Variants in CACNA2D3 observed in about 807,000 individuals in gnomAD.
CACNA2D3 encodes the protein voltage-dependent calcium channel subunit alpha-2/delta-3.
A neutral mutation model predicts 160.6 loss-of-function variants in CACNA2D3; 60 were observed. The observed-to-expected ratio is 0.37, with a 90% CI of 0.30 to 0.46. The LOEUF (loss-of-function observed/expected upper bound fraction) is 0.46, where lower values mean the gene tolerates loss of function less well. CACNA2D3 is among the 20% of genes least tolerant of loss of function. The pLI is 1.00. For synonymous variants in CACNA2D3, 558 were observed against 492.9 expected (o/e 1.13, Z -1.75); for missense variants, 1,205 against 1,365.0 (o/e 0.88, Z 1.85).
At chr3:54,814,631 G>C (rs769346981) in intron 13 of CACNA2D3, among the ~76,000 whole-genome samples, 1 of 152,194 alleles carries the variant, frequency 6.6e-6, no homozygotes, top group Non-Finnish European at 1.5e-5. Flanking sequence ...TAGGAAAGTT[G>C]CTCTTTGTTC....
At chr3:54,861,602 AAGGGTTAG>A (rs2106801168) in intron 17 of CACNA2D3, among the ~76,000 whole-genome samples, 1 of 152,272 alleles carries the variant, frequency 6.6e-6, no homozygotes, top group African/African-American at 2.4e-5. Flanking sequence ...AATGGATTGG[AAGGGTTAG>A]AGTACAGGCA....
chr3:54,721,615 G>C (rs1303505953), intron 11 of CACNA2D3, among the ~76,000 whole-genome samples: 3 of 151,928 alleles, frequency 2.0e-5, no homozygotes, highest in African/African-American at 7.3e-5. Flanking sequence ...ACAAAAATTA[G>C]CCAGGCGTGG....
intron 21 of CACNA2D3, among the ~76,000 whole-genome samples, chr3:54,883,709 C>T (rs1220172346): frequency 1.3e-5 from 2 of 151,710 alleles, no homozygotes; most frequent in Non-Finnish European, 2.9e-5. Context: ...CTGCCATGAG[C>T]ACCCTTCCTG....
intron 4 of CACNA2D3, among the ~76,000 whole-genome samples, chr3:54,402,806 A>G (rs1396565789): frequency 6.6e-6 from 1 of 152,228 alleles, no homozygotes; most frequent in Non-Finnish European, 1.5e-5. Flanking sequence ...ACAACTTTCC[A>G]TCCAACAGCA....
chr3:54,924,822 A>T, intron 27 of CACNA2D3: 1 of 1,614,070 alleles, frequency 6.2e-7, no homozygotes, highest in South Asian at 1.1e-5. Flanking sequence ...AAGGTGGCTT[A>T]TGTTGTTTGA....
chr3:54,239,649 A>G (rs1425739937), intron 2 of CACNA2D3, among the ~76,000 whole-genome samples: 2 of 152,238 alleles, frequency 1.3e-5, no homozygotes. Context: ...ATGGTTCAGA[A>G]TCATCACTTC....
At chr3:54,505,598 C>T (rs951691379) in intron 5 of CACNA2D3, among the ~76,000 whole-genome samples, 1 of 152,094 alleles carries the variant, frequency 6.6e-6, no homozygotes. Context: ...TGAAACTGCC[C>T]CTTTTTGTGC....
At chr3:55,051,708 C>T (rs867639058) in intron 35 of CACNA2D3, among the ~76,000 whole-genome samples, 70 of 152,284 alleles carry the variant, frequency 4.6e-4, no homozygotes, top group South Asian at 3.5e-3. Context: ...CCCAGCCTCG[C>T]TGCCGCCTTG....
chr3:54,468,534 T>G (rs975625073), intron 4 of CACNA2D3, among the ~76,000 whole-genome samples: 1 of 152,148 alleles, frequency 6.6e-6, no homozygotes, highest in African/African-American at 2.4e-5. Context: ...CTAGCTGCAG[T>G]TTTTTTCATG....
intron 11 of CACNA2D3, among the ~76,000 whole-genome samples, chr3:54,738,787 T>C (rs1219298016): frequency 6.6e-6 from 1 of 152,238 alleles, no homozygotes; most frequent in Non-Finnish European, 1.5e-5. Flanking sequence ...AGCCCTTATC[T>C]GTCACAATGC....
chr3:54,901,235 G>C (rs61029595), intron 27 of CACNA2D3: 1 of 152,120 alleles, frequency 6.6e-6, no homozygotes, highest in African/African-American at 2.4e-5. Flanking sequence ...GCAGCTGTCA[G>C]TGACATGGTC....
At chr3:54,287,275 A>G (rs1703056678) in intron 2 of CACNA2D3, among the ~76,000 whole-genome samples, 1 of 152,196 alleles carries the variant, frequency 6.6e-6, no homozygotes, top group Admixed American at 6.5e-5. Context: ...AGGGGTTGCA[A>G]TCCTAGTCTC....
intron 2 of CACNA2D3, among the ~76,000 whole-genome samples, chr3:54,193,303 G>A (rs541616843): frequency 6.6e-6 from 1 of 152,294 alleles, no homozygotes; most frequent in East Asian, 1.9e-4. Context: ...GAGTCATGCT[G>A]TGACCAATTA....
intron 10 of CACNA2D3, among the ~76,000 whole-genome samples, chr3:54,641,292 C>T (rs114099183): frequency 6.6e-6 from 1 of 152,216 alleles, no homozygotes; most frequent in Non-Finnish European, 1.5e-5. Context: ...GGGACACTTA[C>T]AGGTCACAGG....
chr3:54,536,911 G>C (rs924807063), intron 5 of CACNA2D3, among the ~76,000 whole-genome samples: 5 of 152,184 alleles, frequency 3.3e-5, no homozygotes, highest in African/African-American at 1.2e-4. Flanking sequence ...TTTCCCACTT[G>C]TGAAAGGTGG....
At chr3:54,479,864 T>C (rs1700904371) in intron 4 of CACNA2D3, among the ~76,000 whole-genome samples, 1 of 152,206 alleles carries the variant, frequency 6.6e-6, no homozygotes, top group Admixed American at 6.5e-5. Flanking sequence ...TTACAGGTAT[T>C]CATTTAAGCA....
In CACNA2D3 at chr3:54,984,605, T is replaced by A; in HGVS notation, c.2557-3T>A. 6.6e-7 allele frequency: 1 copy of A among 1,519,762 alleles called. No individual in the cohort carries two copies. Among genetic ancestry groups the A allele is most frequent in the Non-Finnish European group, 8.9e-7 (1 of 1,118,386 alleles). 94.1% of individuals were successfully genotyped at this position (1,519,762 alleles called of 1,614,324 possible). A position where few individuals can be genotyped will look rare whatever the true frequency, so the allele number is the denominator to read the frequency against. Reference sequence around the variant, plus strand: ...TGTTTTTGTTTTTTTTTTAATTTTCTAGACTGTGAATTGTTACCTCATAGA... The same window carrying A: ...TGTTTTTGTTTTTTTTTTAATTTTCAAGACTGTGAATTGTTACCTCATAGA... On this transcript the variant is annotated splice_region_variant and splice_polypyrimidine_tract_variant and intron_variant, in intron 29 of 37. Coordinates refer to ENST00000474759, the MANE Select transcript of CACNA2D3 (RefSeq NM_018398.3).
chr3:54,211,944 A>C (rs978044007), intron 2 of CACNA2D3, among the ~76,000 whole-genome samples: 5 of 152,232 alleles, frequency 3.3e-5, no homozygotes, highest in Non-Finnish European at 4.4e-5. Flanking sequence ...AAATTGAAAT[A>C]ATATGAGTTT....
intron 35 of CACNA2D3, among the ~76,000 whole-genome samples, chr3:55,033,724 T>TATATATATA (rs1703732585): frequency 9.9e-6 from 1 of 100,796 alleles, no homozygotes; most frequent in Admixed American, 1.4e-4. Context: ...TATTATATAT[T>TATATATATA]AAATATATTT....
Sources: gnomAD v4.1 joint callset for allele counts (sites outside exome capture counted in the v4.1 genomes callset) on GRCh38, gnomAD v4.1.1 for gene constraint, MANE v1.5 for transcripts, NCBI Gene and HGNC (gene_info 2026-07-23, HGNC 2026-07-21) for gene names.